GLRA2: variants seen among roughly 807,000 people sequenced by gnomAD.
GLRA2 encodes glycine receptor alpha 2.
In GLRA2, 11 loss-of-function variants were observed where a neutral mutation model predicts 31.6. The ratio of observed to expected loss-of-function variants is 0.35; its 90% CI spans 0.22 to 0.58. GLRA2 has a LOEUF of 0.58. Ranked by LOEUF, GLRA2 falls within the 20% of genes least tolerant of loss-of-function variation. The pLI is 0.84. For synonymous variants in GLRA2, 132 were observed against 134.0 expected (o/e 0.99, Z 0.10); for missense variants, 212 against 351.8 (o/e 0.60, Z 3.18).
At chrX:14,511,999 C>T in the GLRA2 span, among the ~76,000 whole-genome samples, 4 of 111,455 alleles carry the variant, frequency 3.6e-5, no homozygotes, top group African/African-American at 1.3e-4. Flanking sequence ...GCCATAGCCG[C>T]ACAGGCCTGT....
chrX:14,458,648 C>T, the GLRA2 span, among the ~76,000 whole-genome samples: 3 of 112,398 alleles, frequency 2.7e-5, no homozygotes, highest in East Asian at 2.8e-4. Context: ...TTTCATCTGT[C>T]TGTGGGCTGC....
At chrX:14,727,900 A>G (rs776496957) in intron 8 of GLRA2, among the ~76,000 whole-genome samples, 29 of 111,650 alleles carry the variant, frequency 2.6e-4, no homozygotes, top group African/African-American at 8.8e-4. Flanking sequence ...AACTTCATCA[A>G]TTGTCTCCCA....
the GLRA2 span, among the ~76,000 whole-genome samples, chrX:14,448,963 C>T: frequency 9.0e-6 from 1 of 111,176 alleles, no homozygotes; most frequent in Admixed American, 9.6e-5. Flanking sequence ...GAGAGAGCTA[C>T]TGAATAAAAC....
At chrX:14,498,747 CCT>C in the GLRA2 span, among the ~76,000 whole-genome samples, 47 of 111,073 alleles carry the variant, frequency 4.2e-4, 1 homozygote, top group African/African-American at 1.5e-3. Flanking sequence ...CATTAATCAG[CCT>C]CTCTTCATTT....
At chrX:14,576,638 G>A (rs769459413) in intron 3 of GLRA2, among the ~76,000 whole-genome samples, 21 of 111,926 alleles carry the variant, frequency 1.9e-4, no homozygotes, top group African/African-American at 3.6e-4. Flanking sequence ...GTTCATTAAT[G>A]CAAAAAAAAG....
the GLRA2 span, among the ~76,000 whole-genome samples, chrX:14,506,630 G>A: frequency 2.1e-3 from 237 of 111,367 alleles, 1 homozygote; most frequent in Non-Finnish European, 3.1e-3. Flanking sequence ...AAGACTTAAG[G>A]GGTGATCCAT....
Position 14,681,910 on chromosome X carries a change from A to AATAT in GLRA2, c.931-8783_931-8780dup, listed in dbSNP as rs1556060452. The stretch of plus-strand genomic sequence containing the variant: ...CCATCTCAAAAAAAAAAAAAAAAAA[A>AATAT]ATATATATATATATATATATGTATA... On this transcript the variant is annotated intron_variant, in intron 7 of 8. Transcript: ENST00000218075. Among the ~76,000 whole-genome samples, 125 of 41,251 alleles carry AATAT rather than the reference A, an allele frequency of 3.0e-3. 3 individuals are homozygous for AATAT. The highest frequency in any genetic ancestry group is 6.0e-3 in the Admixed American group (23 of 3,818). 35.8% of individuals were successfully genotyped at this position (41,251 alleles called of 115,157 possible). A position where few individuals can be genotyped will look rare whatever the true frequency, so the allele number is the denominator to read the frequency against.
At chrX:14,560,055 C>T (rs1429985993) in intron 2 of GLRA2, among the ~76,000 whole-genome samples, 1 of 111,785 alleles carries the variant, frequency 8.9e-6, no homozygotes, top group Non-Finnish European at 1.9e-5. Context: ...AAGGCTCTGA[C>T]CCTTAACTCT....
chrX:14,474,691 TGG>T, the GLRA2 span, among the ~76,000 whole-genome samples: 1 of 94,873 alleles, frequency 1.1e-5, no homozygotes, highest in African/African-American at 4.3e-5. Context: ...CTGGGATGGC[TGG>T]GATGGCTGGG....
intron 8 of GLRA2, among the ~76,000 whole-genome samples, chrX:14,696,924 G>C (rs186444155): frequency 8.9e-6 from 1 of 111,776 alleles, no homozygotes; most frequent in Non-Finnish European, 1.9e-5. Flanking sequence ...TTAAGTCTTG[G>C]GGGGAGTTGA....
At chrX:14,568,976 C>T (rs1339198458) in intron 2 of GLRA2, among the ~76,000 whole-genome samples, 1 of 111,644 alleles carries the variant, frequency 9.0e-6, no homozygotes, top group Non-Finnish European at 1.9e-5. Context: ...AACTAAAGGC[C>T]AAGTGTGGTG....
chrX:14,467,563 A>G, the GLRA2 span, among the ~76,000 whole-genome samples: 4 of 112,659 alleles, frequency 3.6e-5, no homozygotes, highest in Non-Finnish European at 5.6e-5. Context: ...ATTTGCAGAC[A>G]ACATCTAAGT....
chrX:14,551,955 T>C (rs1364965326), intron 2 of GLRA2, among the ~76,000 whole-genome samples: 1 of 112,308 alleles, frequency 8.9e-6, no homozygotes, highest in African/African-American at 3.2e-5. Context: ...TCTGAAATAA[T>C]TTACTTGTTC....
At chrX:14,512,726 C>T in the GLRA2 span, among the ~76,000 whole-genome samples, 2 of 111,457 alleles carry the variant, frequency 1.8e-5, no homozygotes, top group African/African-American at 6.5e-5. Context: ...AAGACCTCTA[C>T]AAGGAAAACT....
chrX:14,676,916 T>C (rs2091150907), intron 7 of GLRA2, among the ~76,000 whole-genome samples: 2 of 111,543 alleles, frequency 1.8e-5, no homozygotes, highest in South Asian at 7.6e-4. Context: ...GGGAAACACC[T>C]CTAAGAAATG....
chrX:14,558,158 G>T (rs1184558178), intron 2 of GLRA2, among the ~76,000 whole-genome samples: 1 of 111,741 alleles, frequency 8.9e-6, no homozygotes, highest in African/African-American at 3.3e-5. Flanking sequence ...TATTAAAATG[G>T]GTTTGACAAT....
intron 8 of GLRA2, among the ~76,000 whole-genome samples, chrX:14,725,756 A>T (rs2091922046): frequency 8.9e-6 from 1 of 112,374 alleles, no homozygotes; most frequent in Admixed American, 9.5e-5. Context: ...GGAATGAGCA[A>T]ATTTTACAAT....
At chrX:14,482,265 CTA>C in the GLRA2 span, among the ~76,000 whole-genome samples, 26 of 111,594 alleles carry the variant, frequency 2.3e-4, no homozygotes, top group African/African-American at 8.4e-4. Flanking sequence ...ACATTAGACT[CTA>C]TATTGGAAGT....
intron 8 of GLRA2, among the ~76,000 whole-genome samples, chrX:14,715,566 A>G (rs1056826632): frequency 6.3e-5 from 7 of 111,623 alleles, no homozygotes; most frequent in Non-Finnish European, 9.4e-5. Flanking sequence ...CATTATGGAG[A>G]CATGTACTAC....
Sources: gnomAD v4.1 joint callset for allele counts (sites outside exome capture counted in the v4.1 genomes callset) on GRCh38, gnomAD v4.1.1 for gene constraint, MANE v1.5 for transcripts, NCBI Gene and HGNC (gene_info 2026-07-23, HGNC 2026-07-21) for gene names.